The following SCMH1 variants were observed in gnomAD, a reference collection of about 807,000 sequenced individuals.
The protein encoded by SCMH1 is polycomb protein SCMH1.
A neutral mutation model predicts 70.8 loss-of-function variants in SCMH1; 37 were observed. The observed-to-expected ratio is 0.52, with a 90% CI of 0.40 to 0.69. The LOEUF is 0.69. SCMH1 is among the 30% of genes least tolerant of loss of function. The pLI, the probability that SCMH1 is intolerant of heterozygous loss-of-function variation, is 0.00. For synonymous variants in SCMH1, 292 were observed against 307.4 expected (o/e 0.95, Z 0.52); for missense variants, 607 against 827.3 (o/e 0.73, Z 3.27).
At chr1:41,124,721 A>T (rs1262782849) in intron 6 of SCMH1, among the ~76,000 whole-genome samples, 1 of 151,678 alleles carries the variant, frequency 6.6e-6, no homozygotes, top group Non-Finnish European at 1.5e-5. Context: ...GATCCCCCTG[A>T]GCAACTAGGA....
chr1:41,052,783 T>G (rs564850372), intron 10 of SCMH1, among the ~76,000 whole-genome samples: 1 of 152,092 alleles, frequency 6.6e-6, no homozygotes. Flanking sequence ...TCTATGGTGA[T>G]AAAAATCAGC....
At chr1:41,047,407 T>C (rs1306801899) in intron 11 of SCMH1, among the ~76,000 whole-genome samples, 19 of 148,932 alleles carry the variant, frequency 1.3e-4, no homozygotes, top group Non-Finnish European at 1.8e-4. Flanking sequence ...TTTTTTTTTT[T>C]TTTTTTTGAG....
intron 12 of SCMH1, 52 bp from the exon 13 acceptor site, chr1:41,037,593 G>A (rs150008226): frequency 5.9e-6 from 9 of 1,534,094 alleles, no homozygotes; most frequent in Admixed American, 1.7e-5. Context: ...CCAGAGTGCT[G>A]GCTCCCAGAT....
At chr1:41,206,258 A>T (rs973904659) in intron 1 of SCMH1, among the ~76,000 whole-genome samples, 4 of 152,228 alleles carry the variant, frequency 2.6e-5, no homozygotes, top group Non-Finnish European at 5.9e-5. Context: ...GAGCTAAAGG[A>T]GGATGCTCAA....
At chr1:41,073,618 TCATCCATCCATCCATC>T (rs3831833) in intron 9 of SCMH1, among the ~76,000 whole-genome samples, 7 of 148,752 alleles carry the variant, frequency 4.7e-5, no homozygotes, top group African/African-American at 1.7e-4. Context: ...ATCACTAAAA[TCATCCATCCATCCATC>T]CATCCATCCA....
At chr1:41,034,597 G>A (rs1050380839) in intron 13 of SCMH1, among the ~76,000 whole-genome samples, 3 of 152,122 alleles carry the variant, frequency 2.0e-5, no homozygotes, top group African/African-American at 2.4e-5. Flanking sequence ...AAAGTGCTGG[G>A]ATTACAGGCA....
chr1:41,085,182 G>A lies in SCMH1; in HGVS notation c.746-9731C>T, dbSNP rs1016129019. On this transcript the variant is annotated intron_variant, in intron 8 of 14. Transcript: ENST00000337495. ...AAGAAAAAGCAAAAAAAGAAAAAGA[G>A]TTAAGAGACTACCACGAACAAGTTG... is the stretch of plus-strand genomic sequence containing the variant. 5.3e-5 allele frequency among the ~76,000 whole-genome samples: 8 copies of A among 151,512 alleles called. No individual in the cohort carries two copies. The South Asian group carries it at 8.4e-4, about 16-fold the overall frequency.
chr1:41,186,182 T>A, exon 2 of SCMH1: 2 of 1,052,980 alleles, frequency 1.9e-6, no homozygotes, highest in Non-Finnish European at 2.9e-6. Flanking sequence ...TTGGGATTTA[T>A]CCCTGGATCC....
chr1:41,225,518 A>C (rs1378308217), intron 1 of SCMH1, among the ~76,000 whole-genome samples: 3 of 152,206 alleles, frequency 2.0e-5, no homozygotes, highest in Non-Finnish European at 2.9e-5. Flanking sequence ...AGACAAGCAA[A>C]TCCATTAACG....
intron 2 of SCMH1, among the ~76,000 whole-genome samples, chr1:41,173,504 A>G (rs771112122): frequency 3.9e-5 from 6 of 152,170 alleles, no homozygotes; most frequent in Non-Finnish European, 8.8e-5. Context: ...ACTCTTATTC[A>G]CTGTTGGTGG....
chr1:41,057,744 G>A (rs1650932565), intron 10 of SCMH1, among the ~76,000 whole-genome samples: 2 of 152,160 alleles, frequency 1.3e-5, no homozygotes, highest in Non-Finnish European at 2.9e-5. Context: ...TAGACAGCGT[G>A]CAAGAACAGA....
exon 6 of SCMH1, chr1:41,142,993 G>A (rs1644237727): frequency 6.2e-7 from 1 of 1,614,170 alleles, no homozygotes. Context: ...CAAGGCGCAG[G>A]CGAAGGCGGG....
intron 8 of SCMH1, among the ~76,000 whole-genome samples, chr1:41,108,353 A>T (rs927532612): frequency 2.0e-5 from 3 of 152,238 alleles, no homozygotes; most frequent in African/African-American, 7.2e-5. Context: ...GTATAATCTG[A>T]AACTGGCTTT....
intron 4 of SCMH1, among the ~76,000 whole-genome samples, chr1:41,159,346 A>G (rs1258175897): frequency 3.3e-5 from 5 of 152,218 alleles, no homozygotes; most frequent in African/African-American, 1.2e-4. Flanking sequence ...AGTTTACAAT[A>G]TGCCTTAAGC....
At chr1:41,061,644 C>G (rs575873135) in intron 10 of SCMH1, among the ~76,000 whole-genome samples, 1 of 152,238 alleles carries the variant, frequency 6.6e-6, no homozygotes, top group East Asian at 1.9e-4. Context: ...GACTTCAACA[C>G]CCCCCATCAG....
intron 1 of SCMH1, among the ~76,000 whole-genome samples, chr1:41,240,746 C>CTT (rs200850811): frequency 2.2e-5 from 3 of 138,068 alleles, no homozygotes; most frequent in Non-Finnish European, 4.7e-5. Context: ...TAAATGTTTT[C>CTT]TTTTTTTTTT....
At chr1:41,157,928 C>T (rs1470286288) in intron 4 of SCMH1, among the ~76,000 whole-genome samples, 1 of 152,076 alleles carries the variant, frequency 6.6e-6, no homozygotes, top group Admixed American at 6.6e-5. Context: ...TAACACAGTG[C>T]CTGAAATTTA....
At position 41,160,856 on chromosome 1, in the gene SCMH1, C is replaced by A; in HGVS notation, c.106+19G>T. ...ACCAATTCCCCTTATTTAACAGAAA[C>A]ACAAGAAAAATAGCTTACCTAGATC... On this transcript the variant is annotated intron_variant, in intron 4 of 14. Transcript: ENST00000337495. 6.5e-7 allele frequency: 1 copy of A among 1,549,048 alleles called. No homozygotes were observed. Among genetic ancestry groups the A allele is most frequent in the Non-Finnish European group, 8.7e-7 (1 of 1,145,742 alleles).
chr1:41,143,047 G>A, exon 6 of SCMH1: 1 of 1,614,174 alleles, frequency 6.2e-7, no homozygotes, highest in South Asian at 1.1e-5. Flanking sequence ...TGGATGTGGT[G>A]TTCCTGGGGT....
Sources: allele counts gnomAD v4.1 joint callset (sites outside exome capture counted in the v4.1 genomes callset), GRCh38; gene constraint gnomAD v4.1.1; transcripts MANE v1.5; gene names NCBI Gene and HGNC (gene_info 2026-07-23, HGNC 2026-07-21).